LYZL6: variants seen among roughly 807,000 people sequenced by gnomAD.
LYZL6 encodes the protein lysozyme-like protein 6.
Under a neutral mutation model 15.0 loss-of-function variants are expected in LYZL6, and 21 were observed. That is an observed-to-expected ratio of 1.40 (90% confidence interval 1.00 to 2.02). LYZL6 has a LOEUF of 2.02. Ranked by LOEUF, LYZL6 falls within the 30% of genes most tolerant of loss-of-function variation. LYZL6 has a pLI of 0.00. For missense variants in LYZL6, 173 were observed against 180.5 expected (o/e 0.96, Z 0.24); for synonymous variants, 72 against 67.8 (o/e 1.06, Z -0.31).
intron 1 of LYZL6, among the ~76,000 whole-genome samples, chr17:35,940,391 A>G (rs1007516706): frequency 1.3e-5 from 2 of 152,200 alleles, no homozygotes; most frequent in Non-Finnish European, 2.9e-5. Flanking sequence ...ATCTTGCTGT[A>G]CAAGAAATTT....
intron 3 of LYZL6, among the ~76,000 whole-genome samples, chr17:35,937,078 C>A (rs1390067675): frequency 6.6e-6 from 1 of 152,220 alleles, no homozygotes; most frequent in African/African-American, 2.4e-5. Context: ...TTCTTCCTAA[C>A]CAGGGTAGAT....
At chr17:35,936,898 C>T (rs924817329) in intron 3 of LYZL6, 65 bp from the exon 4 acceptor site, 21 of 1,422,242 alleles carry the variant, frequency 1.5e-5, no homozygotes, top group Non-Finnish European at 2.0e-5. Context: ...GAGGCAGACA[C>T]CAGCCCTCCC....
intron 4 of LYZL6, 143 bp from the exon 5 acceptor site, chr17:35,935,008 GT>G: frequency 1.5e-6 from 1 of 669,320 alleles, no homozygotes. Context: ...GTCCTCCACT[GT>G]CCCCTCTGAC....
intron 1 of LYZL6, among the ~76,000 whole-genome samples, chr17:35,941,712 C>T (rs1344570904): frequency 6.6e-6 from 1 of 152,100 alleles, no homozygotes; most frequent in East Asian, 1.9e-4. Flanking sequence ...GAGACCTCTT[C>T]CTGACAATAA....
intron 1 of LYZL6, 45 bp from the exon 2 acceptor site, chr17:35,939,603 C>A: frequency 3.2e-6 from 1 of 314,148 alleles, no homozygotes; most frequent in East Asian, 5.1e-5. Context: ...TCCATATACC[C>A]ACTTCTGAGC....
chr17:35,943,290 C>T (rs954413389), intron 1 of LYZL6, among the ~76,000 whole-genome samples: 2 of 152,198 alleles, frequency 1.3e-5, no homozygotes, highest in Admixed American at 6.5e-5. Context: ...ACTCGTTCCA[C>T]ACCAGCCTGA....
chr17:35,937,996 A>G (rs1166803298), intron 2 of LYZL6, 80 bp from the exon 3 acceptor site: 2 of 1,430,780 alleles, frequency 1.4e-6, no homozygotes, highest in African/African-American at 2.8e-5. Context: ...AAGGGAGGCA[A>G]GGTTTCAGAC....
intron 1 of LYZL6, among the ~76,000 whole-genome samples, chr17:35,940,105 C>T (rs549672267): frequency 7.9e-5 from 12 of 152,000 alleles, no homozygotes; most frequent in South Asian, 6.2e-4. Context: ...TGTGTGTGTG[C>T]GCGTGTGTGT....
At chr17:35,941,550 A>G (rs2735472) in intron 1 of LYZL6, among the ~76,000 whole-genome samples, 96,810 of 151,978 alleles carry the variant, frequency 0.64, 32,408 homozygotes, top group East Asian at 0.74. Context: ...CATATCTAAG[A>G]AACCATTGCA....
chr17:35,934,648 A>G lies in LYZL6; in HGVS notation c.*148T>C, dbSNP rs865882412. ...GAGTAAGGAGGAAGCCAAGAAAACCATTTATTCCTGGGGCTCTGGTCAGTT... is the reference window on the plus strand; with the variant it reads ...GAGTAAGGAGGAAGCCAAGAAAACCGTTTATTCCTGGGGCTCTGGTCAGTT... On this transcript the variant is annotated 3_prime_UTR_variant, in exon 5 of 5. Coordinates refer to ENST00000615905, the MANE Select transcript of LYZL6 (RefSeq NM_020426.4). The G allele has an allele frequency of 9.8e-6, 7 of 711,558 alleles. No individual in the cohort carries two copies. In the Middle Eastern group the frequency reaches 1.1e-3, roughly 109 times the overall value. The allele number at this position is 711,558 out of a possible 1,614,324, so 44.1% of individuals were successfully genotyped here.
intron 1 of LYZL6, among the ~76,000 whole-genome samples, chr17:35,940,040 G>C (rs2089413113): frequency 6.6e-6 from 1 of 152,114 alleles, no homozygotes. Flanking sequence ...TACCCTGCCT[G>C]GTACAATTCT....
chr17:35,936,059 C>G (rs1321351247), intron 4 of LYZL6, among the ~76,000 whole-genome samples: 1 of 152,182 alleles, frequency 6.6e-6, no homozygotes, highest in African/African-American at 2.4e-5. Context: ...AAGTGATCCA[C>G]CTGCCTCAGC....
At chr17:35,934,904 G>A (rs1470494069) in intron 4 of LYZL6, 39 bp from the exon 5 acceptor site, 1 of 1,599,488 alleles carries the variant, frequency 6.3e-7, no homozygotes, top group Admixed American at 1.7e-5. Context: ...CTCACACTCA[G>A]TAACTCTTCC....
In LYZL6 at chr17:35,934,641, G is replaced by C. The variant is rs879487209; in HGVS notation, c.*155C>G. ...CAGATGGGAGTAAGGAGGAAGCCAA[G>C]AAAACCATTTATTCCTGGGGCTCTG... On this transcript the variant is annotated 3_prime_UTR_variant, in exon 5 of 5. Transcript: ENST00000615905. The C allele has an allele frequency of 9.9e-5, 67 of 679,142 alleles. No individual in the cohort carries two copies. The highest frequency in any genetic ancestry group is 1.4e-4 in the Admixed American group (5 of 34,644). The allele number at this position is 679,142 out of a possible 1,614,324, so 42.1% of individuals were successfully genotyped here.
Position 35,936,980 on chromosome 17 carries a change from T to A in LYZL6, c.299-147A>T. The A allele has an allele frequency of 5.9e-6, 4 of 672,930 alleles. No individual in the cohort carries two copies. The South Asian group carries it at 7.0e-5, about 12-fold the overall frequency. The allele number at this position is 672,930 out of a possible 1,614,324, so 41.7% of individuals were successfully genotyped here. On this transcript the variant is annotated intron_variant, in intron 3 of 4. Transcript: ENST00000615905. ...GTCTCCCAGGGGGCCCATTTAGACATCCCTACAATGGCTGCTAGAGGTTCG... is the reference window on the plus strand; with the variant it reads ...GTCTCCCAGGGGGCCCATTTAGACAACCCTACAATGGCTGCTAGAGGTTCG...
chr17:35,936,940 G>A lies in LYZL6; in HGVS notation c.299-107C>T, dbSNP rs2089379307. 3 of 945,602 alleles carry A rather than the reference G, an allele frequency of 3.2e-6. No individual in the cohort carries two copies. In the East Asian group the frequency reaches 7.3e-5, roughly 23 times the overall value. The allele number at this position is 945,602 out of a possible 1,614,324, so 58.6% of individuals were successfully genotyped here. On this transcript the variant is annotated intron_variant, in intron 3 of 4. Transcript: ENST00000615905. Reference sequence around the variant, plus strand: ...GCCCTATGCCACCTAGAGGCTTCCAGTTGAGGCAAAGGCTGTCTCCCAGGG... The same window carrying A: ...GCCCTATGCCACCTAGAGGCTTCCAATTGAGGCAAAGGCTGTCTCCCAGGG...
At chr17:35,938,138 T>G (rs1355607283) in intron 2 of LYZL6, among the ~76,000 whole-genome samples, 1 of 152,186 alleles carries the variant, frequency 6.6e-6, no homozygotes, top group Admixed American at 6.5e-5. Context: ...TTCATGTGTT[T>G]TGCACTTACT....
At position 35,934,622 on chromosome 17, in the gene LYZL6, G is replaced by C; in HGVS notation, c.*174C>G. 3.4e-6 allele frequency: 2 copies of C among 592,024 alleles called. No individual in the cohort carries two copies. Among genetic ancestry groups the C allele is most frequent in the Non-Finnish European group, 5.9e-6 (2 of 337,176 alleles). 36.7% of individuals were successfully genotyped at this position (592,024 alleles called of 1,614,324 possible). A position where few individuals can be genotyped will look rare whatever the true frequency, so the allele number is the denominator to read the frequency against. ...GGAACCAGGGGACTGGGTCCAGATG[G>C]GAGTAAGGAGGAAGCCAAGAAAACC... is the stretch of plus-strand genomic sequence containing the variant. On this transcript the variant is annotated 3_prime_UTR_variant, in exon 5 of 5. Transcript: ENST00000615905.
chr17:35,937,504 T>C (rs983135857), intron 3 of LYZL6, among the ~76,000 whole-genome samples: 2 of 152,218 alleles, frequency 1.3e-5, no homozygotes, highest in African/African-American at 4.8e-5. Flanking sequence ...TCAATAAACA[T>C]TGGCTGCTGC....
Sources: gnomAD v4.1 joint callset for allele counts (sites outside exome capture counted in the v4.1 genomes callset) on GRCh38, gnomAD v4.1.1 for gene constraint, MANE v1.5 for transcripts, NCBI Gene and HGNC (gene_info 2026-07-23, HGNC 2026-07-21) for gene names.